Variants in MARCHF10 observed in about 807,000 individuals in gnomAD.
The protein encoded by MARCHF10 is membrane associated ring-CH-type finger 10, also known as probable E3 ubiquitin-protein ligase MARCHF10.
A neutral mutation model predicts 76.2 loss-of-function variants in MARCHF10; 64 were observed. The observed-to-expected ratio is 0.84, with a 90% CI of 0.69 to 1.03. MARCHF10 has a LOEUF of 1.03. MARCHF10 is among the 50% of genes least tolerant of loss of function. The pLI is 0.00. For missense variants in MARCHF10, 875 were observed against 958.0 expected (o/e 0.91, Z 1.14); for synonymous variants, 340 against 357.5 (o/e 0.95, Z 0.55).
Position 62,725,056 on chromosome 17 carries a change from A to T in MARCHF10, c.1986T>A (p.Cys662Ter). ...SEEEGDLCRI[C>*]QIAGGSPSNP... is the part of the protein sequence containing the mutation. ...TGCTTGGGGAACCCCCGGCTATCTG[A>T]CAGATGCGACACAAGTCTCCCTCCT... The change falls in exon 7 of 11, where the codon TGT becomes TGA. Residue 662 changes from cysteine to a stop codon, truncating the protein, a stop_gained. Coordinates refer to ENST00000311269, the MANE Select transcript of MARCHF10 (RefSeq NM_152598.4). LOFTEE classifies it high-confidence loss of function. The T allele has an allele frequency of 6.2e-7, 1 of 1,606,404 alleles. No homozygotes were observed.
intron 4 of MARCHF10, chr17:62,750,052 T>C (rs2091843104): frequency 1.3e-5 from 2 of 152,542 alleles, no homozygotes; most frequent in South Asian, 4.1e-4. Flanking sequence ...GTGGCCACGC[T>C]GTCCCATCTT....
At chr17:62,727,922 A>C (rs982340369) in intron 6 of MARCHF10, among the ~76,000 whole-genome samples, 2 of 152,190 alleles carry the variant, frequency 1.3e-5, no homozygotes, top group Admixed American at 6.5e-5. Flanking sequence ...GCACGAGGGG[A>C]CCAGCTGCTG....
At chr17:62,705,343 T>G in intron 10 of MARCHF10, 196 bp downstream of exon 10, 2 of 1,497,708 alleles carry the variant, frequency 1.3e-6, no homozygotes, top group Non-Finnish European at 1.8e-6. Flanking sequence ...AATTCTTATC[T>G]GCTCTGCATC....
chr17:62,762,108 C>T (rs2092220876), intron 3 of MARCHF10, among the ~76,000 whole-genome samples: 1 of 152,204 alleles, frequency 6.6e-6, no homozygotes, highest in African/African-American at 2.4e-5. Flanking sequence ...TACCCCCAGC[C>T]AGGGCCGGAA....
chr17:62,791,672 G>C (rs1042731699), intron 2 of MARCHF10, among the ~76,000 whole-genome samples: 1 of 152,170 alleles, frequency 6.6e-6, no homozygotes, highest in African/African-American at 2.4e-5. Context: ...TCCTCTCAAA[G>C]TTATAGCTTT....
intron 2 of MARCHF10, among the ~76,000 whole-genome samples, chr17:62,790,839 T>G (rs997583703): frequency 2.6e-5 from 4 of 152,204 alleles, no homozygotes; most frequent in African/African-American, 9.6e-5. Context: ...CATCGTGCTT[T>G]ATGTCTGAAT....
At chr17:62,703,264 C>T (rs764468893) in intron 10 of MARCHF10, 1 of 152,364 alleles carries the variant, frequency 6.6e-6, no homozygotes, top group Non-Finnish European at 1.5e-5. Flanking sequence ...TCTTTTCCTC[C>T]TGTGTACCTC....
At chr17:62,703,602 G>A (rs1475334448) in intron 10 of MARCHF10, among the ~76,000 whole-genome samples, 2 of 152,244 alleles carry the variant, frequency 1.3e-5, no homozygotes, top group Non-Finnish European at 2.9e-5. Context: ...TGGGCCTCCA[G>A]GGGAGAACTG....
chr17:62,716,006 C>A (rs1488093351), intron 8 of MARCHF10, among the ~76,000 whole-genome samples: 1 of 152,198 alleles, frequency 6.6e-6, no homozygotes, highest in Non-Finnish European at 1.5e-5. Context: ...GCGTCCGTCC[C>A]AGATGTCACA....
intron 3 of MARCHF10, among the ~76,000 whole-genome samples, chr17:62,775,513 G>T (rs2092536302): frequency 6.6e-6 from 1 of 151,818 alleles, no homozygotes. Context: ...CACTCGGGGG[G>T]GGGCGTGGCT....
At chr17:62,703,801 C>T (rs1389561638) in intron 10 of MARCHF10, among the ~76,000 whole-genome samples, 2 of 152,346 alleles carry the variant, frequency 1.3e-5, no homozygotes, top group Non-Finnish European at 1.5e-5. Flanking sequence ...CTTTTCGGAG[C>T]ACCACCCTAG....
intron 3 of MARCHF10, among the ~76,000 whole-genome samples, chr17:62,785,210 G>A (rs548004864): frequency 2.2e-4 from 34 of 152,246 alleles, no homozygotes; most frequent in African/African-American, 7.9e-4. Flanking sequence ...AGAGGCCTCA[G>A]AAATAACACC....
chr17:62,723,559 CT>C (rs60456766), intron 7 of MARCHF10, among the ~76,000 whole-genome samples: 1,938 of 80,358 alleles, frequency 0.024, 205 homozygotes, highest in African/African-American at 0.084. Flanking sequence ...GTTCGCTTGA[CT>C]TTTTTTTTTT....
At chr17:62,780,037 CAG>C (rs2092627770) in intron 3 of MARCHF10, among the ~76,000 whole-genome samples, 1 of 151,762 alleles carries the variant, frequency 6.6e-6, no homozygotes, top group East Asian at 1.9e-4. Flanking sequence ...GTGGAGGTGG[CAG>C]TGAGCTGAGA....
chr17:62,763,610 A>G (rs935712221), intron 3 of MARCHF10, among the ~76,000 whole-genome samples: 5 of 152,180 alleles, frequency 3.3e-5, no homozygotes, highest in Admixed American at 6.5e-5. Flanking sequence ...TGTGTCCCCA[A>G]GTTGAAATGT....
chr17:62,790,177 G>GT (rs1010681256), intron 2 of MARCHF10, among the ~76,000 whole-genome samples: 15 of 150,168 alleles, frequency 1.0e-4, no homozygotes, highest in African/African-American at 1.7e-4. Context: ...AATAGTAAAA[G>GT]TTTTTTTTTT....
At chr17:62,765,465 T>C (rs56351127) in intron 3 of MARCHF10, among the ~76,000 whole-genome samples, 75,316 of 151,434 alleles carry the variant, frequency 0.5, 20,251 homozygotes, top group East Asian at 0.71. Flanking sequence ...AACACCCTCC[T>C]GCCTACAGGC....
At chr17:62,743,460 T>C (rs2091588964) in intron 5 of MARCHF10, among the ~76,000 whole-genome samples, 1 of 152,098 alleles carries the variant, frequency 6.6e-6, no homozygotes, top group Non-Finnish European at 1.5e-5. Flanking sequence ...CGGGCCAACA[T>C]GGTGAAACCC....
At chr17:62,720,565 A>T (rs1252733370) in intron 8 of MARCHF10, among the ~76,000 whole-genome samples, 1 of 152,170 alleles carries the variant, frequency 6.6e-6, no homozygotes, top group Non-Finnish European at 1.5e-5. Context: ...GCAAACTGTT[A>T]GTAAGAACAG....
Sources: gnomAD v4.1 joint callset for allele counts (sites outside exome capture counted in the v4.1 genomes callset) on GRCh38, gnomAD v4.1.1 for gene constraint, MANE v1.5 for transcripts, NCBI Gene and HGNC (gene_info 2026-07-23, HGNC 2026-07-21) for gene names.